The following MEIS1 variants were observed in gnomAD, a reference collection of about 807,000 sequenced individuals.
The protein encoded by MEIS1 is homeobox protein Meis1.
In MEIS1, 5 loss-of-function variants were observed where a neutral mutation model predicts 50.8. The observed-to-expected ratio is 0.10, with a 90% confidence interval of 0.05 to 0.21. MEIS1 has a LOEUF of 0.21. Ranked by LOEUF, MEIS1 falls within the 10% of genes least tolerant of loss-of-function variation. The probability of loss-of-function intolerance (pLI) is 1.00; values close to 1 mark genes in which losing one functional copy is unlikely to be tolerated. For missense variants in MEIS1, 318 were observed against 517.3 expected (o/e 0.61, Z 3.74); for synonymous variants, 176 against 179.3 (o/e 0.98, Z 0.15).
chr2:66,435,743 CTTTTTTT>C lies in MEIS1; in HGVS notation c.-96_-90del, dbSNP rs70943697. 1.7e-3 allele frequency: 583 copies of C among 335,066 alleles called. No homozygotes were observed. The highest frequency in any genetic ancestry group is 4.2e-3 in the South Asian group (59 of 13,980). The allele number at this position is 335,066 out of a possible 1,614,324, so 20.8% of individuals were successfully genotyped here. The stretch of plus-strand genomic sequence containing the variant: ...AGACGTTAAGGGATTTTTCGTCGTG[CTTTTTTT>C]TTTTTTTTTTTTTTTTTCCGGGGGA... On this transcript the variant is annotated 5_prime_UTR_variant, in exon 1 of 13. Transcript: ENST00000272369.
chr2:66,498,892 G>T (rs995520647), intron 7 of MEIS1, among the ~76,000 whole-genome samples: 1 of 152,190 alleles, frequency 6.6e-6, no homozygotes, highest in African/African-American at 2.4e-5. Flanking sequence ...ATCTAAAGCT[G>T]CATTTTAACA....
chr2:66,560,729 T>C (rs916985039), intron 9 of MEIS1, among the ~76,000 whole-genome samples: 1 of 152,186 alleles, frequency 6.6e-6, no homozygotes, highest in Admixed American at 6.5e-5. Context: ...ATGTGGCTGA[T>C]TGATGGACTT....
At chr2:66,463,032 C>G (rs973700704) in intron 6 of MEIS1, among the ~76,000 whole-genome samples, 1 of 151,880 alleles carries the variant, frequency 6.6e-6, no homozygotes, top group Non-Finnish European at 1.5e-5. Flanking sequence ...ATCTCCTCAG[C>G]CCTTCTTATC....
chr2:66,525,791 G>C (rs1194511465), intron 8 of MEIS1, among the ~76,000 whole-genome samples: 1 of 152,212 alleles, frequency 6.6e-6, no homozygotes, highest in Non-Finnish European at 1.5e-5. Flanking sequence ...TCCACCACAA[G>C]GAAACATCTT....
At chr2:66,548,553 G>A (rs1171580069) in intron 9 of MEIS1, among the ~76,000 whole-genome samples, 1 of 152,152 alleles carries the variant, frequency 6.6e-6, no homozygotes, top group Non-Finnish European at 1.5e-5. Flanking sequence ...TCTCGTGGCT[G>A]TGCAATACTG....
chr2:66,562,723 C>CT (rs1675248736), intron 9 of MEIS1, among the ~76,000 whole-genome samples: 1 of 152,100 alleles, frequency 6.6e-6, no homozygotes. Flanking sequence ...CTTTGTAAAG[C>CT]TTTTTGTTTT....
intron 7 of MEIS1, among the ~76,000 whole-genome samples, chr2:66,492,551 G>A (rs112816455): frequency 3.9e-4 from 59 of 152,260 alleles, no homozygotes; most frequent in African/African-American, 1.3e-3. Flanking sequence ...CTCTCATCTG[G>A]CTGGTTTCAG....
chr2:66,473,397 A>AATATATATATATATATATATATATAT, intron 7 of MEIS1, among the ~76,000 whole-genome samples: 1 of 107,586 alleles, frequency 9.3e-6, no homozygotes, highest in African/African-American at 5.8e-5. Flanking sequence ...AAAAAAAAAA[A>AATATATATATATATATATATATATAT]ATATATATAT....
In MEIS1 at chr2:66,520,162, T is replaced by A. The variant is rs192439300; in HGVS notation, c.888+7868T>A. Among the ~76,000 whole-genome samples, 136 of 151,972 alleles carry A rather than the reference T, an allele frequency of 8.9e-4. 1 individual carries two copies. The highest frequency in any genetic ancestry group is 2.9e-3 in the African/African-American group (122 of 41,426). On this transcript the variant is annotated intron_variant, in intron 8 of 12. Coordinates refer to ENST00000272369, the MANE Select transcript of MEIS1 (RefSeq NM_002398.3). ...GCAGTTTATAGAAGTTTAGAAAAAA[T>A]TCTTATCTATTATTTAAAGAAAAGC...
intron 8 of MEIS1, among the ~76,000 whole-genome samples, chr2:66,517,724 T>C (rs1403724496): frequency 1.3e-5 from 2 of 152,046 alleles, no homozygotes; most frequent in Non-Finnish European, 2.9e-5. Context: ...GATTATTTAA[T>C]TACTTGAGGG....
chr2:66,571,072 A>C, intron 12 of MEIS1, 174 bp from the exon 13 acceptor site: 1 of 664,522 alleles, frequency 1.5e-6, no homozygotes, highest in Non-Finnish European at 2.4e-6. Flanking sequence ...GTGAGTTTCC[A>C]GCATGATGTT....
At chr2:66,526,115 G>A (rs928054564) in intron 8 of MEIS1, among the ~76,000 whole-genome samples, 2 of 152,212 alleles carry the variant, frequency 1.3e-5, no homozygotes, top group African/African-American at 4.8e-5. Context: ...TGGAAGGAAG[G>A]TGAATTTGCT....
At chr2:66,570,085 T>C (rs998479652) in intron 12 of MEIS1, 4 of 152,248 alleles carry the variant, frequency 2.6e-5, no homozygotes, top group Non-Finnish European at 4.4e-5. Context: ...AGAGTCTTGC[T>C]TGTGTCTCTG....
At chr2:66,544,224 G>A (rs1572893413) in intron 8 of MEIS1, among the ~76,000 whole-genome samples, 1 of 152,044 alleles carries the variant, frequency 6.6e-6, no homozygotes, top group Admixed American at 6.5e-5. Context: ...TTTTTTTTCA[G>A]CAGCCATGCC....
intron 8 of MEIS1, among the ~76,000 whole-genome samples, chr2:66,540,498 T>C (rs1367485789): frequency 1.3e-5 from 2 of 152,074 alleles, no homozygotes; most frequent in African/African-American, 2.4e-5. Flanking sequence ...TTAGTAGAGA[T>C]GGGATTTCCT....
rs71980656 is a variant in MEIS1 at position 66,552,028 on chromosome 2, G to GACACAC, written c.965+4033_965+4038dup. On this transcript the variant is annotated intron_variant, in intron 9 of 12. Transcript: ENST00000272369. ...AGTATTTAAGTAGAACTTTATGGAAGACACACACACACACACACACACACA... is the reference window on the plus strand; with the variant it reads ...AGTATTTAAGTAGAACTTTATGGAAGACACACACACACACACACACACACACACACA... Among the ~76,000 whole-genome samples, 1,029 of 147,284 alleles carry GACACAC rather than the reference G, an allele frequency of 7.0e-3. 12 individuals are homozygous for GACACAC. Among genetic ancestry groups the GACACAC allele is most frequent in the African/African-American group, 0.015 (611 of 40,284 alleles).
At chr2:66,497,163 A>C (rs1409922436) in intron 7 of MEIS1, among the ~76,000 whole-genome samples, 1 of 152,326 alleles carries the variant, frequency 6.6e-6, no homozygotes, top group South Asian at 2.1e-4. Context: ...TAGAGGTTAA[A>C]GAAATGCACC....
chr2:66,569,376 C>A, intron 12 of MEIS1: 1 of 290,490 alleles, frequency 3.4e-6, no homozygotes, highest in Non-Finnish European at 6.4e-6. Context: ...GTACTGACCA[C>A]ATGACAAAAC....
At chr2:66,567,568 C>T (rs1195233317) in intron 10 of MEIS1, 57 bp downstream of exon 10, 2 of 1,559,164 alleles carry the variant, frequency 1.3e-6, no homozygotes, top group Non-Finnish European at 1.8e-6. Context: ...ATCCTCAAGC[C>T]ATTCACCGGG....
Sources: gnomAD v4.1 joint callset for allele counts (sites outside exome capture counted in the v4.1 genomes callset) on GRCh38, gnomAD v4.1.1 for gene constraint, MANE v1.5 for transcripts, NCBI Gene and HGNC (gene_info 2026-07-23, HGNC 2026-07-21) for gene names.